The following CADPS2 variants were observed in gnomAD, a reference collection of about 807,000 sequenced individuals.
CADPS2 encodes the protein calcium dependent secretion activator 2.
CADPS2 carries 93 observed loss-of-function variants against 172.5 expected under a neutral mutation model. That is an observed-to-expected ratio of 0.54 (90% CI 0.46 to 0.64). The LOEUF (loss-of-function observed/expected upper bound fraction) is 0.64. Ranked by LOEUF, CADPS2 falls within the 30% of genes least tolerant of loss-of-function variation. The pLI is 0.00. For synonymous variants in CADPS2, 546 were observed against 555.2 expected (o/e 0.98, Z 0.23); for missense variants, 1,420 against 1,565.9 (o/e 0.91, Z 1.57).
chr7:122,442,134 A>G (rs73216192), intron 15 of CADPS2, among the ~76,000 whole-genome samples: 2,914 of 152,302 alleles, frequency 0.019, 43 homozygotes, highest in Middle Eastern at 0.044. Context: ...CTAGTTCTAC[A>G]TATTCCTACT....
intron 17 of CADPS2, among the ~76,000 whole-genome samples, chr7:122,416,960 A>G (rs559370879): frequency 6.6e-6 from 1 of 152,338 alleles, no homozygotes; most frequent in South Asian, 2.1e-4. Flanking sequence ...TCAGTTCCCA[A>G]TAAGGACATT....
chr7:122,642,199 G>C (rs2077728559), intron 3 of CADPS2, among the ~76,000 whole-genome samples: 2 of 149,338 alleles, frequency 1.3e-5, no homozygotes, highest in Admixed American at 1.4e-4. Context: ...AGAATCACTT[G>C]AACCCAGGAG....
chr7:122,439,152 T>C (rs2051031201), intron 16 of CADPS2, among the ~76,000 whole-genome samples: 1 of 152,142 alleles, frequency 6.6e-6, no homozygotes, highest in Admixed American at 6.6e-5. Context: ...TTTTTGGACT[T>C]TTCCTTTAAA....
chr7:122,825,438 C>G (rs1465512048), intron 1 of CADPS2, among the ~76,000 whole-genome samples: 1 of 151,962 alleles, frequency 6.6e-6, no homozygotes, highest in Non-Finnish European at 1.5e-5. Context: ...AATATAATAC[C>G]TTCCTTATGA....
chr7:122,688,755 A>G (rs943795548), intron 2 of CADPS2, among the ~76,000 whole-genome samples: 3 of 104,606 alleles, frequency 2.9e-5, no homozygotes, highest in African/African-American at 9.0e-5. Flanking sequence ...TTATGGCTAC[A>G]TGGTTGTGGT....
intron 8 of CADPS2, among the ~76,000 whole-genome samples, chr7:122,552,007 C>T (rs6466820): frequency 0.61 from 92,276 of 151,994 alleles, 28,495 homozygotes; most frequent in African/African-American, 0.73. Context: ...TGTTTACACA[C>T]AGGTGTATTA....
At chr7:122,672,673 C>T (rs1207668899) in intron 2 of CADPS2, among the ~76,000 whole-genome samples, 1 of 152,198 alleles carries the variant, frequency 6.6e-6, no homozygotes, top group African/African-American at 2.4e-5. Context: ...TCCTCCACCC[C>T]AGCCTGGGTG....
chr7:122,415,955 G>A (rs2151755585), intron 18 of CADPS2, 106 bp downstream of exon 18: 1 of 561,584 alleles, frequency 1.8e-6, no homozygotes, highest in Non-Finnish European at 3.0e-6. Context: ...TTCGTTAAAT[G>A]TTCAGATATG....
chr7:122,834,203 C>G (rs1331620902), intron 1 of CADPS2, among the ~76,000 whole-genome samples: 2 of 152,078 alleles, frequency 1.3e-5, no homozygotes, highest in South Asian at 4.1e-4. Flanking sequence ...AAGAAAATAG[C>G]AAACTTCAAT....
intron 7 of CADPS2, among the ~76,000 whole-genome samples, chr7:122,568,343 C>A (rs2066738875): frequency 6.6e-6 from 1 of 152,110 alleles, no homozygotes; most frequent in Non-Finnish European, 1.5e-5. Flanking sequence ...AAGGTCATTT[C>A]ATAATGATAA....
chr7:122,385,897 G>A (rs886220621), intron 24 of CADPS2, among the ~76,000 whole-genome samples: 1 of 151,902 alleles, frequency 6.6e-6, no homozygotes, highest in African/African-American at 2.4e-5. Context: ...AATTCTTTTG[G>A]TATTAAAAGT....
At position 122,400,162 on chromosome 7, in the gene CADPS2, G is replaced by A. The variant is rs577356658; in HGVS notation, c.2747-6580C>T. Among the ~76,000 whole-genome samples the A allele has an allele frequency of 1.5e-4, 23 of 151,652 alleles. 1 individual carries two copies. The South Asian group carries it at 2.7e-3, about 18-fold the overall frequency. ...GGAAAGAAACTAGAGCAGGCAGGGCGCAGTGGCTCACGCCTGTAATCCCAG... is the reference window on the plus strand; with the variant it reads ...GGAAAGAAACTAGAGCAGGCAGGGCACAGTGGCTCACGCCTGTAATCCCAG... On this transcript the variant is annotated intron_variant, in intron 20 of 29. Coordinates refer to ENST00000449022, the MANE Select transcript of CADPS2 (RefSeq NM_017954.11).
intron 1 of CADPS2, among the ~76,000 whole-genome samples, chr7:122,878,504 G>A (rs1821917842): frequency 6.6e-6 from 1 of 151,208 alleles, no homozygotes. Flanking sequence ...GCCGGGTGCA[G>A]TGGCGGGTGC....
intron 8 of CADPS2, among the ~76,000 whole-genome samples, chr7:122,517,433 G>A (rs1220136007): frequency 6.6e-6 from 1 of 152,006 alleles, no homozygotes; most frequent in African/African-American, 2.4e-5. Context: ...TGGGATTGTA[G>A]GGTCGTATTG....
At chr7:122,543,631 T>C (rs2063323933) in intron 8 of CADPS2, among the ~76,000 whole-genome samples, 1 of 152,124 alleles carries the variant, frequency 6.6e-6, no homozygotes, top group African/African-American at 2.4e-5. Context: ...TATAATTTTA[T>C]AGTAGGGAGT....
chr7:122,386,270 T>G (rs1232768715), intron 24 of CADPS2: 1 of 1,404,122 alleles, frequency 7.1e-7, no homozygotes, highest in Non-Finnish European at 9.4e-7. Context: ...TGAAATGTGC[T>G]TTTAGAAAAA....
intron 1 of CADPS2, among the ~76,000 whole-genome samples, chr7:122,815,748 TAGA>T (rs763301423): frequency 1.4e-4 from 21 of 152,324 alleles, no homozygotes; most frequent in African/African-American, 3.6e-4. Context: ...CAGTCACTGA[TAGA>T]AGAAGTTGTT....
chr7:122,631,347 T>G (rs2076556015), intron 3 of CADPS2, among the ~76,000 whole-genome samples: 1 of 152,228 alleles, frequency 6.6e-6, no homozygotes, highest in Admixed American at 6.5e-5. Flanking sequence ...TGTATCTATA[T>G]CTCCAGATTA....
intron 1 of CADPS2, among the ~76,000 whole-genome samples, chr7:122,794,324 G>A (rs938049188): frequency 1.3e-5 from 2 of 151,550 alleles, no homozygotes; most frequent in South Asian, 4.2e-4. Flanking sequence ...CTGTACTCTT[G>A]TCTAATTGTC....
Sources: gnomAD v4.1 joint callset for allele counts (sites outside exome capture counted in the v4.1 genomes callset) on GRCh38, gnomAD v4.1.1 for gene constraint, MANE v1.5 for transcripts, NCBI Gene and HGNC (gene_info 2026-07-23, HGNC 2026-07-21) for gene names.